UBE2K: variants seen among roughly 807,000 people sequenced by gnomAD.
UBE2K encodes ubiquitin conjugating enzyme E2 K.
Under a neutral mutation model 30.0 loss-of-function variants are expected in UBE2K, and 6 were observed. The observed-to-expected ratio is 0.20, with a 90% confidence interval of 0.11 to 0.39. UBE2K has a LOEUF of 0.39. UBE2K is among the 10% of genes least tolerant of loss of function. The pLI is 1.00. For missense variants in UBE2K, 61 were observed against 241.6 expected (o/e 0.25, Z 4.96); for synonymous variants, 86 against 83.7 (o/e 1.03, Z -0.15).
intron 4 of UBE2K, among the ~76,000 whole-genome samples, chr4:39,773,799 T>C (rs1001281120): frequency 3.3e-5 from 5 of 151,964 alleles, no homozygotes; most frequent in Admixed American, 2.0e-4. Context: ...CGGGCGCCTG[T>C]TGTCCCAGCT....
intron 3 of UBE2K, among the ~76,000 whole-genome samples, chr4:39,749,953 C>T (rs1289321236): frequency 1.3e-5 from 2 of 152,128 alleles, no homozygotes; most frequent in Non-Finnish European, 2.9e-5. Flanking sequence ...AATCCCAGGA[C>T]TCTGGGAGGC....
chr4:39,731,199 T>C (rs1720056304), intron 1 of UBE2K, among the ~76,000 whole-genome samples: 1 of 149,674 alleles, frequency 6.7e-6, no homozygotes, highest in South Asian at 2.1e-4. Flanking sequence ...GGCCATCTTG[T>C]ACTCTTTTCA....
chr4:39,747,763 T>C (rs2109363080), intron 3 of UBE2K, among the ~76,000 whole-genome samples: 1 of 151,858 alleles, frequency 6.6e-6, no homozygotes, highest in East Asian at 1.9e-4. Context: ...ACTACAGGCG[T>C]CTGCTACCTC....
Position 39,723,450 on chromosome 4 carries a change from G to A in UBE2K, c.64-13970G>A, listed in dbSNP as rs570284531. 5.6e-5 allele frequency among the ~76,000 whole-genome samples: 8 copies of A among 141,642 alleles called. No homozygotes were observed. In the East Asian group the frequency reaches 1.7e-3, roughly 31 times the overall value. 92.9% of individuals were successfully genotyped at this position (141,642 alleles called of 152,430 possible). A position where few individuals can be genotyped will look rare whatever the true frequency, so the allele number is the denominator to read the frequency against. On this transcript the variant is annotated intron_variant, in intron 1 of 6. Transcript: ENST00000261427. ...GTGGCACGATCTCTGCTCACTGCAA[G>A]CTCTGCCTCCCAGGTTCATGCCATT... is the stretch of plus-strand genomic sequence containing the variant.
At chr4:39,759,470 G>C (rs1711740397) in intron 4 of UBE2K, among the ~76,000 whole-genome samples, 1 of 152,108 alleles carries the variant, frequency 6.6e-6, no homozygotes, top group Non-Finnish European at 1.5e-5. Context: ...TTTTAGTAGA[G>C]ACAGGGTTCC....
chr4:39,709,522 A>G (rs1718556620), intron 1 of UBE2K, among the ~76,000 whole-genome samples: 1 of 152,074 alleles, frequency 6.6e-6, no homozygotes, highest in Non-Finnish European at 1.5e-5. Context: ...CGTAACTTTC[A>G]TTACAATATA....
intron 1 of UBE2K, among the ~76,000 whole-genome samples, chr4:39,699,927 A>C (rs1717914932): frequency 6.6e-6 from 1 of 152,168 alleles, no homozygotes; most frequent in Non-Finnish European, 1.5e-5. Flanking sequence ...TAGAGTCATA[A>C]GTGTCTGTAC....
At chr4:39,736,674 C>A (rs2109348555) in intron 1 of UBE2K, among the ~76,000 whole-genome samples, 1 of 152,240 alleles carries the variant, frequency 6.6e-6, no homozygotes, top group African/African-American at 2.4e-5. Context: ...GGTTAAGAGA[C>A]TCAGTAATGC....
At chr4:39,768,984 G>A (rs1334974883) in intron 4 of UBE2K, among the ~76,000 whole-genome samples, 1 of 151,932 alleles carries the variant, frequency 6.6e-6, no homozygotes, top group Non-Finnish European at 1.5e-5. Context: ...CACTATCACG[G>A]CCAGAAAATT....
At chr4:39,776,207 C>T (rs1371619099) in intron 5 of UBE2K, among the ~76,000 whole-genome samples, 3 of 152,118 alleles carry the variant, frequency 2.0e-5, no homozygotes, top group Non-Finnish European at 2.9e-5. Flanking sequence ...CAAGTCACAG[C>T]CTTTGGAGTT....
intron 3 of UBE2K, among the ~76,000 whole-genome samples, chr4:39,749,579 T>C (rs1448637786): frequency 6.6e-6 from 1 of 152,044 alleles, no homozygotes; most frequent in Non-Finnish European, 1.5e-5. Flanking sequence ...CTCAGGAGGC[T>C]AAGGCACAAG....
At chr4:39,735,837 T>TA (rs942314506) in intron 1 of UBE2K, among the ~76,000 whole-genome samples, 2 of 151,938 alleles carry the variant, frequency 1.3e-5, no homozygotes, top group Non-Finnish European at 2.9e-5. Flanking sequence ...CAGAAAAATG[T>TA]AAAAAAAAGT....
At chr4:39,760,661 G>C (rs1357814842) in intron 4 of UBE2K, among the ~76,000 whole-genome samples, 1 of 152,200 alleles carries the variant, frequency 6.6e-6, no homozygotes, top group Admixed American at 6.5e-5. Context: ...ACTTTGGGAG[G>C]CCGAGGCGGG....
At position 39,777,934 on chromosome 4, in the gene UBE2K, C is replaced by T. The variant is rs1713370378; in HGVS notation, c.528+124C>T. Reference sequence around the variant, plus strand: ...CGCAGCCTGGGCAACATGGCGAAACCCATCTCTACAAAAATTAGCTGGACA... The same window carrying T: ...CGCAGCCTGGGCAACATGGCGAAACTCATCTCTACAAAAATTAGCTGGACA... On this transcript the variant is annotated intron_variant, in intron 6 of 6. Transcript: ENST00000261427. 1.0e-5 allele frequency: 9 copies of T among 888,192 alleles called. No individual in the cohort carries two copies. The East Asian group carries it at 2.7e-4, about 27-fold the overall frequency. 55.0% of individuals were successfully genotyped at this position (888,192 alleles called of 1,614,324 possible).
At chr4:39,735,696 C>T (rs1720341108) in intron 1 of UBE2K, among the ~76,000 whole-genome samples, 1 of 152,102 alleles carries the variant, frequency 6.6e-6, no homozygotes. Context: ...AGTAGTTTTA[C>T]TGTTGCTAAA....
At chr4:39,771,526 C>G (rs1055656083) in intron 4 of UBE2K, among the ~76,000 whole-genome samples, 1 of 152,116 alleles carries the variant, frequency 6.6e-6, no homozygotes, top group Non-Finnish European at 1.5e-5. Flanking sequence ...CCGGAAGCGC[C>G]CCCCACACAC....
chr4:39,750,055 G>T (rs1003705243), intron 3 of UBE2K, among the ~76,000 whole-genome samples: 1 of 152,068 alleles, frequency 6.6e-6, no homozygotes, highest in African/African-American at 2.4e-5. Flanking sequence ...TTAGCCAGGT[G>T]TAGTGGCACG....
intron 1 of UBE2K, among the ~76,000 whole-genome samples, chr4:39,736,126 T>C (rs745750766): frequency 6.6e-6 from 1 of 152,016 alleles, no homozygotes; most frequent in South Asian, 2.1e-4. Context: ...AGAGTAGATA[T>C]GTTGTGTCAA....
chr4:39,718,207 G>A (rs925063714), intron 1 of UBE2K, among the ~76,000 whole-genome samples: 1 of 152,052 alleles, frequency 6.6e-6, no homozygotes, highest in African/African-American at 2.4e-5. Context: ...GTTTTGACAG[G>A]GTGCTGATTG....
Sources: allele counts gnomAD v4.1 joint callset (sites outside exome capture counted in the v4.1 genomes callset), GRCh38; gene constraint gnomAD v4.1.1; transcripts MANE v1.5; gene names NCBI Gene and HGNC (gene_info 2026-07-23, HGNC 2026-07-21).